CYP3A4: variants seen among roughly 807,000 people sequenced by gnomAD.
CYP3A4 encodes the protein cytochrome P450 3A4.
In CYP3A4, 41 loss-of-function variants were observed where a neutral mutation model predicts 54.9. The observed-to-expected ratio is 0.75, with a 90% CI of 0.58 to 0.97. The LOEUF (loss-of-function observed/expected upper bound fraction) is 0.97, where lower values mean the gene tolerates loss of function less well. Ranked by LOEUF, CYP3A4 falls within the 50% of genes least tolerant of loss-of-function variation. The pLI, the probability that CYP3A4 is intolerant of heterozygous loss-of-function variation, is 0.00. For missense variants in CYP3A4, 510 were observed against 597.3 expected, an observed-to-expected ratio of 0.85 and a Z score of 1.52; for synonymous variants, 179 against 205.2, an observed-to-expected ratio of 0.87 and a Z score of 1.09.
intron 2 of CYP3A4, among the ~76,000 whole-genome samples, chr7:99,779,058 C>G (rs1313333772): frequency 6.6e-6 from 1 of 152,196 alleles, no homozygotes; most frequent in Non-Finnish European, 1.5e-5. Context: ...AATTTTCCAT[C>G]CAGGGCCCAG....
At chr7:99,783,606 C>CTT (rs11432957) in intron 1 of CYP3A4, among the ~76,000 whole-genome samples, 7,595 of 103,730 alleles carry the variant, frequency 0.073, 796 homozygotes, top group Middle Eastern at 0.12. Context: ...CCTTGAACAT[C>CTT]TTTTTTTTTT....
chr7:99,762,278 C>A lies in CYP3A4; in HGVS notation c.1027-11G>T, dbSNP rs370486502. 7 of 1,613,596 alleles carry A rather than the reference C, an allele frequency of 4.3e-6. No homozygotes were observed. The highest frequency in any genetic ancestry group is 5.9e-6 in the Non-Finnish European group (7 of 1,179,786). ...ATAGGTGGGTGGTGCCTGGAAAGAACGAAACAGATTTGGATAAATTGAGAT... is the reference window on the plus strand; with the variant it reads ...ATAGGTGGGTGGTGCCTGGAAAGAAAGAAACAGATTTGGATAAATTGAGAT... On this transcript the variant is annotated splice_polypyrimidine_tract_variant and intron_variant, in intron 10 of 12. Transcript: ENST00000651514.
intron 2 of CYP3A4, 22 bp downstream of exon 2, chr7:99,779,970 G>A: frequency 6.3e-7 from 1 of 1,597,958 alleles, no homozygotes; most frequent in Non-Finnish European, 8.6e-7. Flanking sequence ...AGAAGCAAAA[G>A]AGTGAGCTCA....
At chr7:99,761,648 T>C (rs541869263) in intron 11 of CYP3A4, among the ~76,000 whole-genome samples, 2 of 152,326 alleles carry the variant, frequency 1.3e-5, no homozygotes, top group African/African-American at 4.8e-5. Flanking sequence ...TAAAATTCTT[T>C]GAAGATTAGA....
chr7:99,775,353 T>C (rs1192365764), intron 3 of CYP3A4, among the ~76,000 whole-genome samples: 1 of 152,122 alleles, frequency 6.6e-6, no homozygotes, highest in African/African-American at 2.4e-5. Flanking sequence ...TTAAAGTTCA[T>C]ATGGAACCAA....
chr7:99,783,531 T>A (rs1232348816), intron 1 of CYP3A4, among the ~76,000 whole-genome samples: 7 of 151,662 alleles, frequency 4.6e-5, no homozygotes, highest in Admixed American at 4.6e-4. Context: ...TATTCCTTTA[T>A]AGAGCTGCAT....
At chr7:99,758,818 T>C (rs573030625) in intron 12 of CYP3A4, among the ~76,000 whole-genome samples, 44 of 152,254 alleles carry the variant, frequency 2.9e-4, no homozygotes, top group African/African-American at 9.6e-4. Flanking sequence ...TCAGGAAGCA[T>C]TACCATTTTA....
At chr7:99,769,969 A>G in intron 5 of CYP3A4, 113 bp from the exon 6 acceptor site, 1 of 1,578,174 alleles carries the variant, frequency 6.3e-7, no homozygotes, top group African/African-American at 1.3e-5. Context: ...GAATTTTGTG[A>G]TGTGTTTTCT....
In CYP3A4 at chr7:99,769,821, C is replaced by T. The variant is rs1353888751; in HGVS notation, c.468G>A (p.Leu156=). The part of the protein sequence containing the change: ...VPIIAQYGDV[L]VRNLRREAET... ...CTGCTTCCCGCCTCAGATTTCTCAC[C>T]AACACATCTCCATACTGGGCAATGA... The change falls in exon 6 of 13, where the codon TTG becomes TTA. Residue 156 remains leucine, a synonymous_variant. Coordinates refer to ENST00000651514, the MANE Select transcript of CYP3A4 (RefSeq NM_017460.6). 4 of 1,613,874 alleles carry T rather than the reference C, an allele frequency of 2.5e-6. No individual in the cohort carries two copies. The highest frequency in any genetic ancestry group is 2.5e-6 in the Non-Finnish European group (3 of 1,179,928).
chr7:99,779,262 A>G (rs1404233659), intron 2 of CYP3A4, among the ~76,000 whole-genome samples: 1 of 152,070 alleles, frequency 6.6e-6, no homozygotes, highest in Non-Finnish European at 1.5e-5. Flanking sequence ...TTTTGTGCTT[A>G]AATATCTGAG....
rs755198320 is a variant in CYP3A4, at chr7:99,772,562, ATT to A, written c.318+26_318+27del. 2.5e-6 allele frequency: 4 copies of A among 1,610,250 alleles called. No individual in the cohort carries two copies. In the Admixed American group the frequency reaches 6.7e-5, roughly 27 times the overall value. On this transcript the variant is annotated intron_variant, in intron 4 of 12. Transcript: ENST00000651514. ...CAAAATATAAATTTAATCAATCAGT[ATT>A]TTAATTTCAACACATGAATGCTTAC...
chr7:99,769,732 G>A, intron 6 of CYP3A4, 36 bp downstream of exon 6: 4 of 1,611,674 alleles, frequency 2.5e-6, no homozygotes, highest in Non-Finnish European at 3.4e-6. Flanking sequence ...AGGGGTTCAT[G>A]ACAGCTCAGA....
chr7:99,770,354 G>T, intron 4 of CYP3A4, 119 bp from the exon 5 acceptor site: 1 of 800,082 alleles, frequency 1.2e-6, no homozygotes. Flanking sequence ...TCTACTGGGT[G>T]ATGGGCCCTA....
rs1314942469 is a variant in CYP3A4 at position 99,770,137 on chromosome 7, A to G, written c.417T>C (p.Ser139=). ...LRSLLSPTFT[S]GKLKEMVPII... is the part of the protein sequence containing the mutation. ...ATTTTCATACCTCCTTGAGTTTTCC[A>G]CTGGTGAAGGTTGGAGACAGCAATG... Residue 139 remains serine (S), a synonymous_variant, in exon 5 of 13, where the codon AGT becomes AGC. Coordinates refer to ENST00000651514, the MANE Select transcript of CYP3A4 (RefSeq NM_017460.6). 4 of 1,612,742 alleles carry G rather than the reference A, an allele frequency of 2.5e-6. No homozygotes were observed. The highest frequency in any genetic ancestry group is 2.5e-6 in the Non-Finnish European group (3 of 1,178,882).
rs56324128 is a variant in CYP3A4 at position 99,778,079 on chromosome 7, C to T, written c.167G>A (p.Gly56Asp). The T allele has an allele frequency of 5.8e-4, 932 of 1,610,894 alleles. 1 individual carries two copies. Among genetic ancestry groups the T allele is most frequent in the Non-Finnish European group, 6.8e-4 (798 of 1,177,540 alleles). ...FLGNILSYHK[G>D]FCMFDMECHK... Reference sequence around the variant, plus strand: ...ACATTCCATGTCAAACATACAAAAGCCCTGGGAGGAGAAACAAAATAATAT... The same window carrying T: ...ACATTCCATGTCAAACATACAAAAGTCCTGGGAGGAGAAACAAAATAATAT... The change falls in exon 3 of 13, where the codon GGC (glycine) becomes GAC (aspartate). Residue 56 changes from glycine (G) to aspartate (D), a missense_variant and splice_region_variant. Coordinates refer to ENST00000651514, the MANE Select transcript of CYP3A4 (RefSeq NM_017460.6).
chr7:99,765,305 G>T (rs1815446059), intron 9 of CYP3A4, among the ~76,000 whole-genome samples: 1 of 152,154 alleles, frequency 6.6e-6, no homozygotes, highest in South Asian at 2.1e-4. Context: ...GTGCTCAATA[G>T]CCATATGTGT....
At chr7:99,760,614 G>A (rs1377685390) in intron 12 of CYP3A4, among the ~76,000 whole-genome samples, 1 of 152,174 alleles carries the variant, frequency 6.6e-6, no homozygotes, top group Non-Finnish European at 1.5e-5. Context: ...TAATCTACAT[G>A]GGCTTTACAT....
chr7:99,782,686 T>C (rs950368296), intron 1 of CYP3A4, among the ~76,000 whole-genome samples: 6 of 152,206 alleles, frequency 3.9e-5, no homozygotes, highest in African/African-American at 1.2e-4. Flanking sequence ...AGGAATATTT[T>C]CTTACTCCAT....
chr7:99,768,366 A>C lies in CYP3A4; in HGVS notation c.658T>G (p.Phe220Val), dbSNP rs768478884. 11 of 1,613,772 alleles carry C rather than the reference A, an allele frequency of 6.8e-6. No homozygotes were observed. In the African/African-American group the frequency reaches 9.3e-5, roughly 14 times the overall value. The change falls in exon 7 of 13, where the codon TTT (phenylalanine) becomes GTT (valine). Residue 220 changes from phenylalanine (F) to valine (V), a missense_variant. Physicochemically the swap from Phe to Val is conservative, Grantham distance 50. This residue lies in a region of CYP3A4 where 272 missense variants were observed against 274.9 expected (regional missense o/e 0.99). Transcript: ENST00000651514. ...GTAGTCCACATACTTATTGAGAGAA[A>C]GAATGGATCCAAAAAATCAAATCTT... ...LLRFDFLDPF[F>V]LSITVFPFLI...
Sources: allele counts gnomAD v4.1 joint callset (sites outside exome capture counted in the v4.1 genomes callset), GRCh38; gene constraint gnomAD v4.1.1; regional missense constraint gnomAD v4.1.1; transcripts MANE v1.5; gene names NCBI Gene and HGNC (gene_info 2026-07-23, HGNC 2026-07-21).